Variants in CASZ1 observed in about 807,000 individuals in gnomAD.
CASZ1 encodes the protein castor zinc finger 1.
In CASZ1, 28 loss-of-function variants were observed where a neutral mutation model predicts 135.2. The ratio of observed to expected loss-of-function variants is 0.21; its 90% CI spans 0.15 to 0.28. The LOEUF (loss-of-function observed/expected upper bound fraction) is 0.28, where lower values mean the gene tolerates loss of function less well. Ranked by LOEUF, CASZ1 falls within the 10% of genes least tolerant of loss-of-function variation. The pLI is 1.00. For missense variants in CASZ1, 2,161 were observed against 2,453.3 expected, an observed-to-expected ratio of 0.88 and a Z score of 2.52; for synonymous variants, 1,068 against 1,073.4, an observed-to-expected ratio of 0.99 and a Z score of 0.10.
intron 6 of CASZ1, 67 bp from the exon 7 acceptor site, chr1:10,658,643 G>A: frequency 2.1e-6 from 3 of 1,419,372 alleles, no homozygotes; most frequent in Non-Finnish European, 3.0e-6. Flanking sequence ...AGGGGCATCT[G>A]GTGGGCAGCC....
At chr1:10,670,438 G>A (rs927021611) in intron 4 of CASZ1, among the ~76,000 whole-genome samples, 6 of 152,222 alleles carry the variant, frequency 3.9e-5, no homozygotes, top group Non-Finnish European at 5.9e-5. Context: ...AGGGGCGGGC[G>A]GCTGCCGGGG....
intron 9 of CASZ1, among the ~76,000 whole-genome samples, chr1:10,654,997 T>C (rs1239221783): frequency 6.6e-6 from 1 of 152,198 alleles, no homozygotes; most frequent in African/African-American, 2.4e-5. Context: ...AGGGATTTGC[T>C]TAGTGGACAG....
rs769024487 is a variant in CASZ1 at position 10,643,149 on chromosome 1, G to A, written c.4020+11C>T. On this transcript the variant is annotated intron_variant, in intron 19 of 20. Coordinates refer to ENST00000377022, the MANE Select transcript of CASZ1 (RefSeq NM_001079843.3). Reference sequence around the variant, plus strand: ...ACCCTGGCTGGGCTCTCACCTGGGGGGGGCTCTCACCTGGGAGGGGGGCAC... The same window carrying A: ...ACCCTGGCTGGGCTCTCACCTGGGGAGGGCTCTCACCTGGGAGGGGGGCAC... The A allele has an allele frequency of 6.2e-7, 1 of 1,609,798 alleles. No individual in the cohort carries two copies. The highest frequency in any genetic ancestry group is 1.3e-5 in the African/African-American group (1 of 74,938).
chr1:10,662,482 G>A (rs971282841), intron 5 of CASZ1, among the ~76,000 whole-genome samples: 1 of 151,132 alleles, frequency 6.6e-6, no homozygotes, highest in Non-Finnish European at 1.5e-5. Context: ...GCACACACAT[G>A]CCATCACATA....
At chr1:10,737,201 CTCGTTCCCACA>C (rs1639816431) in intron 2 of CASZ1, among the ~76,000 whole-genome samples, 1 of 152,240 alleles carries the variant, frequency 6.6e-6, no homozygotes, top group East Asian at 1.9e-4. Flanking sequence ...CATTAGGCCC[CTCGTTCCCACA>C]ACCTGCTGGC....
Position 10,639,125 on chromosome 1 carries a change from C to G in CASZ1, c.5097G>C (p.Glu1699Asp), listed in dbSNP as rs568231236. The change falls in exon 21 of 21, where the codon GAG becomes GAC. Residue 1699 changes from glutamate to aspartate, a missense_variant. Glu to Asp is a conservative substitution (Grantham distance 45, BLOSUM62 2). Around this residue, in one of 7 missense-constraint regions of CASZ1, gnomAD observed 185 missense variants for 134.7 expected, o/e 1.37. Transcript: ENST00000377022. This position sits in a 1 kb window ranked among gnomAD's most constrained non-coding sequence, Gnocchi z 4.0. ...AEDDEDEDDDEDDDDEDDDED... is the reference protein window; with the variant it reads ...AEDDEDEDDDDDDDDEDDDED... ...CGTCGTCGTCCTCGTCGTCGTCGTC[C>G]TCGTCGTCGTCCTCGTCCTCGTCGT... 1.2e-5 allele frequency: 14 copies of G among 1,154,278 alleles called. No individual in the cohort carries two copies. Among genetic ancestry groups the G allele is most frequent in the East Asian group, 1.1e-4 (2 of 17,734 alleles). The allele number at this position is 1,154,278 out of a possible 1,614,324, so 71.5% of individuals were successfully genotyped here. A position where few individuals can be genotyped will look rare whatever the true frequency, so the allele number is the denominator to read the frequency against.
chr1:10,639,820 A>G lies in CASZ1; in HGVS notation c.4402T>C (p.Phe1468Leu). Residue 1468 changes from phenylalanine to leucine, a missense_variant, in exon 21 of 21, where the codon TTC (phenylalanine) becomes CTC (leucine). By Grantham distance (22) the Phe-to-Leu change is conservative. Coordinates refer to ENST00000377022, the MANE Select transcript of CASZ1 (RefSeq NM_001079843.3). The surrounding 1 kb of genome is among the most constrained non-coding windows in gnomAD (Gnocchi z 4.0). Reference protein sequence around the residue: ...HCTRENCGYKFCGRTHMYKHA... With the variant: ...HCTRENCGYKLCGRTHMYKHA... ...TTGTACATGTGCGTGCGCCCGCAGA[A>G]CTTGTAGCCGCAGTTCTCGCGCGTG... is the stretch of plus-strand genomic sequence containing the variant. 6.2e-7 allele frequency: 1 copy of G among 1,610,430 alleles called. No individual in the cohort carries two copies. The highest frequency in any genetic ancestry group is 8.5e-7 in the Non-Finnish European group (1 of 1,178,894).
At chr1:10,743,232 C>T (rs369167940) in intron 2 of CASZ1, among the ~76,000 whole-genome samples, 85 of 151,924 alleles carry the variant, frequency 5.6e-4, no homozygotes, top group South Asian at 1.9e-3. Flanking sequence ...GGATTCTGGG[C>T]GAAATCAGGG....
chr1:10,785,131 T>TCCTTCTTTCCTTCCTTCCTCCCTCCCTC (rs1557570867), intron 1 of CASZ1, among the ~76,000 whole-genome samples: 7 of 23,560 alleles, frequency 3.0e-4, no homozygotes, highest in African/African-American at 6.0e-4. Context: ...TTTCCTTTCT[T>TCCTTCTTTCCTTCCTTCCTCCCTCCCTC]CCTTCCTTCC....
rs953251704 is a variant in CASZ1 at position 10,711,631 on chromosome 1, G to C, written c.-76-6087C>G. Among the ~76,000 whole-genome samples, 4 of 151,506 alleles carry C rather than the reference G, an allele frequency of 2.6e-5. No individual in the cohort carries two copies. The highest frequency in any genetic ancestry group is 5.9e-5 in the Non-Finnish European group (4 of 67,884). ...AACAAACAAAACCTTGTGCATGAAT[G>C]TTCATAGCAGCACTATTCACAGTAG... On this transcript the variant is annotated intron_variant, in intron 2 of 20. Coordinates refer to ENST00000377022, the MANE Select transcript of CASZ1 (RefSeq NM_001079843.3). This position sits in a 1 kb window ranked among gnomAD's most constrained non-coding sequence, Gnocchi z 4.4.
At position 10,718,852 on chromosome 1, in the gene CASZ1, C is replaced by G. The variant is rs1165715588; in HGVS notation, c.-76-13308G>C. ...AGAACCTTGCCCACAAGAGGAATTA[C>G]TGCCTCTTTCTTTTTCTTTTCTTTT... On this transcript the variant is annotated intron_variant, in intron 2 of 20. Coordinates refer to ENST00000377022, the MANE Select transcript of CASZ1 (RefSeq NM_001079843.3). 2.6e-5 allele frequency among the ~76,000 whole-genome samples: 4 copies of G among 152,184 alleles called. No homozygotes were observed. In the East Asian group the frequency reaches 7.7e-4, roughly 29 times the overall value.
intron 15 of CASZ1, 137 bp from the exon 16 acceptor site, chr1:10,648,276 T>C (rs1642439495): frequency 3.1e-6 from 2 of 648,426 alleles, no homozygotes; most frequent in Non-Finnish European, 5.1e-6. Flanking sequence ...AGAAGTCCCC[T>C]GTGACCCCAC....
At chr1:10,652,549 T>A (rs901651027) in intron 11 of CASZ1, 3 of 151,628 alleles carry the variant, frequency 2.0e-5, no homozygotes, top group African/African-American at 7.3e-5. Context: ...GGGAGAGGAG[T>A]GAGGTAAACA....
intron 19 of CASZ1, 39 bp from the exon 20 acceptor site, chr1:10,643,039 G>A (rs1340979998): frequency 6.2e-7 from 1 of 1,603,896 alleles, no homozygotes; most frequent in Admixed American, 1.7e-5. Context: ...GTGGGGCTGT[G>A]GGGTATGCTG....
chr1:10,650,720 G>A lies in CASZ1; in HGVS notation c.2852C>T (p.Ser951Leu). The A allele has an allele frequency of 6.2e-7, 1 of 1,614,140 alleles. No homozygotes were observed. The highest frequency in any genetic ancestry group is 8.5e-7 in the Non-Finnish European group (1 of 1,179,924). Residue 951 changes from serine to leucine, a missense_variant, in exon 13 of 21, where the codon TCA (serine) becomes TTA (leucine). Coordinates refer to ENST00000377022, the MANE Select transcript of CASZ1 (RefSeq NM_001079843.3). The stretch of plus-strand genomic sequence containing the variant: ...ATTCATAAGCGAGGATAAAAGAGAT[G>A]AATTTGCCGGGACTGCGTGGCCATT... ...ESNGHAVPANSSLLSSLMNKM... is the reference protein window; with the variant it reads ...ESNGHAVPANLSLLSSLMNKM...
chr1:10,716,089 C>CCCAATCCGCACCCCACAGCAT (rs1639386832), intron 2 of CASZ1, among the ~76,000 whole-genome samples: 1 of 146,476 alleles, frequency 6.8e-6, no homozygotes, highest in Admixed American at 6.9e-5. Context: ...CCCCACAGCA[C>CCCAATCCGCACCCCACAGCAT]CCAATCCACA....
chr1:10,718,274 C>T lies in CASZ1; in HGVS notation c.-76-12730G>A, dbSNP rs537752194. On this transcript the variant is annotated intron_variant, in intron 2 of 20. Coordinates refer to ENST00000377022, the MANE Select transcript of CASZ1 (RefSeq NM_001079843.3). Reference sequence around the variant, plus strand: ...CACAAGACAGGCCTTCCTGTGTCCCCGTGCCCACTCCCACCTCCTCGGCCC... The same window carrying T: ...CACAAGACAGGCCTTCCTGTGTCCCTGTGCCCACTCCCACCTCCTCGGCCC... Among the ~76,000 whole-genome samples the T allele has an allele frequency of 2.0e-5, 3 of 152,394 alleles. 1 individual carries two copies. The highest frequency in any genetic ancestry group is 3.9e-4 in the East Asian group (2 of 5,188).
rs74773993 is a variant in CASZ1, at chr1:10,774,364, G to A, written c.-233-13507C>T. 1.3e-5 allele frequency among the ~76,000 whole-genome samples: 2 copies of A among 152,062 alleles called. No homozygotes were observed. The highest frequency in any genetic ancestry group is 4.8e-5 in the African/African-American group (2 of 41,420). On this transcript the variant is annotated intron_variant, in intron 1 of 20. Transcript: ENST00000377022. This position sits in a 1 kb window ranked among gnomAD's most constrained non-coding sequence, Gnocchi z 4.4. ...ACACTGTCAAATCTGCCCTGGCCTTGGCCAGGGCCAAGTTCAGGGCCTCCC... is the reference window on the plus strand; with the variant it reads ...ACACTGTCAAATCTGCCCTGGCCTTAGCCAGGGCCAAGTTCAGGGCCTCCC...
chr1:10,720,677 G>A lies in CASZ1; in HGVS notation c.-76-15133C>T, dbSNP rs1222901728. On this transcript the variant is annotated intron_variant, in intron 2 of 20. Transcript: ENST00000377022. This position sits in a 1 kb window ranked among gnomAD's most constrained non-coding sequence, Gnocchi z 5.7. ...ACATGTGATAATGACTCCAGGCTTC[G>A]CTTCTGCTGCCCCCAGAAAACTTTC... is the stretch of plus-strand genomic sequence containing the variant. 6.6e-6 allele frequency among the ~76,000 whole-genome samples: 1 copy of A among 152,190 alleles called. No homozygotes were observed. Among genetic ancestry groups the A allele is most frequent in the Non-Finnish European group, 1.5e-5 (1 of 68,036 alleles).
Sources: allele counts gnomAD v4.1 joint callset (sites outside exome capture counted in the v4.1 genomes callset), GRCh38; gene constraint gnomAD v4.1.1; regional missense constraint gnomAD v4.1.1; non-coding constraint Gnocchi (gnomAD v3.1); transcripts MANE v1.5; gene names NCBI Gene and HGNC (gene_info 2026-07-23, HGNC 2026-07-21).